Variants in FAT2 observed in about 807,000 individuals in gnomAD.
FAT2 encodes FAT atypical cadherin 2, also known as protocadherin Fat 2.
A neutral mutation model predicts 295.3 loss-of-function variants in FAT2; 150 were observed. The ratio of observed to expected loss-of-function variants is 0.51; its 90% CI spans 0.44 to 0.58. The LOEUF (loss-of-function observed/expected upper bound fraction) is 0.58, where lower values mean the gene tolerates loss of function less well. Ranked by LOEUF, FAT2 falls within the 20% of genes least tolerant of loss-of-function variation. The pLI is 0.00. For missense variants in FAT2, 4,868 were observed against 5,442.7 expected (o/e 0.89, Z 3.32); for synonymous variants, 2,026 against 2,150.3 (o/e 0.94, Z 1.60).
At chr5:151,533,833 C>T (rs1172378875) in intron 13 of FAT2, among the ~76,000 whole-genome samples, 2 of 151,874 alleles carry the variant, frequency 1.3e-5, no homozygotes, top group South Asian at 2.1e-4. Context: ...CAGAATAGAA[C>T]ACTTTGTGGT....
intron 11 of FAT2, 112 bp from the exon 12 acceptor site, chr5:151,538,058 G>A (rs1444302930): frequency 4.0e-5 from 34 of 847,820 alleles, no homozygotes; most frequent in Admixed American, 1.3e-4. Context: ...ACACTAAGAG[G>A]GCAGAGACGA....
intron 13 of FAT2, 105 bp downstream of exon 13, chr5:151,534,304 A>G: frequency 1.3e-6 from 1 of 792,420 alleles, no homozygotes; most frequent in Non-Finnish European, 2.0e-6. Flanking sequence ...CTCAACAAGG[A>G]GGCACCGCCC....
intron 1 of FAT2, among the ~76,000 whole-genome samples, chr5:151,580,262 G>A (rs1758895024): frequency 6.6e-6 from 1 of 152,186 alleles, no homozygotes; most frequent in African/African-American, 2.4e-5. Context: ...AGAGTGCAGG[G>A]AGAAAGAACT....
rs779986445 is a variant in FAT2, at chr5:151,550,877, G to C, written c.4297-6C>G. The C allele has an allele frequency of 6.2e-7, 1 of 1,611,034 alleles. No homozygotes were observed. Among genetic ancestry groups the C allele is most frequent in the Non-Finnish European group, 8.5e-7 (1 of 1,179,020 alleles). ...GCAATCATGAAGATGTGGACCTAGGGAGGGAGATGAGGGAGAAGGTGCACT... is the reference window on the plus strand; with the variant it reads ...GCAATCATGAAGATGTGGACCTAGGCAGGGAGATGAGGGAGAAGGTGCACT... On this transcript the variant is annotated splice_region_variant and splice_polypyrimidine_tract_variant and intron_variant, in intron 7 of 23. Transcript: ENST00000261800.
intron 1 of FAT2, among the ~76,000 whole-genome samples, chr5:151,586,381 G>C (rs949716572): frequency 5.9e-5 from 9 of 152,192 alleles, no homozygotes; most frequent in Non-Finnish European, 1.3e-4. Context: ...GGTCTTGCAG[G>C]GGCCGCCCAG....
At chr5:151,588,796 G>A (rs1759285456) in intron 1 of FAT2, among the ~76,000 whole-genome samples, 1 of 152,140 alleles carries the variant, frequency 6.6e-6, no homozygotes, top group South Asian at 2.1e-4. Context: ...GAAGAGAGAA[G>A]AATCAATTAT....
At chr5:151,592,174 C>T (rs1194352562), upstream of FAT2, among the ~76,000 whole-genome samples, 1 of 152,164 alleles carries the variant, frequency 6.6e-6, no homozygotes, top group African/African-American at 2.4e-5. Context: ...AATTCCATTA[C>T]GCACCCTGTG....
chr5:151,592,454 C>T (rs531910157), upstream of FAT2, among the ~76,000 whole-genome samples: 2 of 152,060 alleles, frequency 1.3e-5, no homozygotes, highest in East Asian at 3.9e-4. Context: ...TCTTGAAGCC[C>T]CTCTGCAACA....
At position 151,507,314 on chromosome 5, in the gene FAT2, G is replaced by A. The variant is rs1469651240; in HGVS notation, c.12357C>T (p.Pro4119=). Residue 4119 remains proline, a synonymous_variant, in exon 23 of 24, where the codon CCC becomes CCT. Transcript: ENST00000261800. ...GTTCATTTGGAACAGAGGCCTTGCTGGGTTCCGGTTGGTTGAGGTTGTTGC... is the reference window on the plus strand; with the variant it reads ...GTTCATTTGGAACAGAGGCCTTGCTAGGTTCCGGTTGGTTGAGGTTGTTGC... ...SSCNNLNQPE[P]SKASVPNELV... The A allele has an allele frequency of 1.9e-6, 3 of 1,614,198 alleles. No individual in the cohort carries two copies. The African/African-American group carries it at 4.0e-5, about 22-fold the overall frequency.
At chr5:151,537,134 AAAAGACAG>A (rs1335152016) in intron 12 of FAT2, among the ~76,000 whole-genome samples, 1 of 152,110 alleles carries the variant, frequency 6.6e-6, no homozygotes, top group Non-Finnish European at 1.5e-5. Context: ...ATAGCTAGCA[AAAAGACAG>A]AAAGACAGAA....
Position 151,553,442 on chromosome 5 carries a change from C to T in FAT2, c.3946-55G>A. 2.0e-6 allele frequency: 3 copies of T among 1,527,230 alleles called. No homozygotes were observed. In the South Asian group the frequency reaches 3.5e-5, roughly 18 times the overall value. The allele number at this position is 1,527,230 out of a possible 1,614,324, so 94.6% of individuals were successfully genotyped here. A position where few individuals can be genotyped will look rare whatever the true frequency, so the allele number is the denominator to read the frequency against. ...TTTGGGGCCAAGAGACAGGAAGACC[C>T]AAGCAGCCAGGACAGGAACCAGAGC... On this transcript the variant is annotated intron_variant, in intron 5 of 23. Transcript: ENST00000261800.
rs760134176 is a variant in FAT2, at chr5:151,537,840, G to A, written c.9146C>T (p.Ser3049Phe). Reference sequence around the variant, plus strand: ...TTCATGCGCCCCAGGGCCATGCAGAGAATATGTGATCTGAGCATTGGTATC... The same window carrying A: ...TTCATGCGCCCCAGGGCCATGCAGAAAATATGTGATCTGAGCATTGGTATC... ...DTDTNAQITY[S>F]LHGPGAHEFK... The change falls in exon 12 of 24, where the codon TCT becomes TTT. Residue 3049 changes from serine to phenylalanine, a missense_variant. Around this residue, in one of 5 missense-constraint regions of FAT2, gnomAD observed 1,046 missense variants for 1,210.1 expected, o/e 0.86. Coordinates refer to ENST00000261800, the MANE Select transcript of FAT2 (RefSeq NM_001447.3). The A allele has an allele frequency of 1.2e-6, 2 of 1,614,168 alleles. No individual in the cohort carries two copies.
intron 3 of FAT2, 44 bp from the exon 4 acceptor site, chr5:151,556,446 CAGG>C: frequency 7.0e-7 from 1 of 1,433,804 alleles, no homozygotes; most frequent in Non-Finnish European, 9.7e-7. Flanking sequence ...AGAAGACTTT[CAGG>C]GCCACTTTAC....
chr5:151,535,667 CG>C (rs1395136369), intron 12 of FAT2, among the ~76,000 whole-genome samples: 1 of 152,150 alleles, frequency 6.6e-6, no homozygotes, highest in African/African-American at 2.4e-5. Flanking sequence ...AAGAAGGAGT[CG>C]TGGGAGCCCC....
chr5:151,591,519 C>T (rs1429148999), upstream of FAT2, among the ~76,000 whole-genome samples: 1 of 152,176 alleles, frequency 6.6e-6, no homozygotes, highest in Non-Finnish European at 1.5e-5. Context: ...ATCTCCACCT[C>T]CCTTCTTGGT....
chr5:151,567,015 C>A lies in FAT2; in HGVS notation c.1917G>T (p.Lys639Asn), dbSNP rs1187645912. The change falls in exon 2 of 24, where the codon AAG becomes AAT. Residue 639 changes from lysine (K) to asparagine (N), a missense_variant. By Grantham distance (94) the Lys-to-Asn change is moderately conservative. This residue lies in a region of FAT2 where 3,297 missense variants were observed against 3,669.4 expected (regional missense o/e 0.90). Transcript: ENST00000261800. ...AGTTTTTGCCATCTGAGGCTGTAAT[C>A]TTCAGGGAATAACTGGTGGGTTGAC... ...TAGQPTSYSL[K>N]ITASDGKNYA... The A allele has an allele frequency of 6.2e-7, 1 of 1,614,114 alleles. No individual in the cohort carries two copies. The highest frequency in any genetic ancestry group is 2.2e-5 in the East Asian group (1 of 44,886).
At chr5:151,591,550 G>A (rs1281477683), upstream of FAT2, among the ~76,000 whole-genome samples, 1 of 152,128 alleles carries the variant, frequency 6.6e-6, no homozygotes, top group Non-Finnish European at 1.5e-5. Flanking sequence ...GATAAACTGA[G>A]GCCCTGGACA....
chr5:151,556,272 G>C (rs772255334), intron 4 of FAT2, 72 bp downstream of exon 4: 2 of 1,261,092 alleles, frequency 1.6e-6, no homozygotes, highest in Non-Finnish European at 2.3e-6. Flanking sequence ...CACAGTGCTA[G>C]ACATGCACGT....
At chr5:151,553,582 C>A (rs1420096260) in intron 5 of FAT2, among the ~76,000 whole-genome samples, 195 bp from the exon 6 acceptor site, 1 of 152,220 alleles carries the variant, frequency 6.6e-6, no homozygotes, top group Admixed American at 6.5e-5. Context: ...CGGTGGTGAA[C>A]AAAACGTATA....
Sources: gnomAD v4.1 joint callset for allele counts (sites outside exome capture counted in the v4.1 genomes callset) on GRCh38, gnomAD v4.1.1 for gene constraint, gnomAD v4.1.1 regional missense constraint, MANE v1.5 for transcripts, NCBI Gene and HGNC (gene_info 2026-07-23, HGNC 2026-07-21) for gene names.